IFNGR2: variants seen among roughly 807,000 people sequenced by gnomAD.
IFNGR2 encodes the protein IFN-gamma receptor 2.
Under a neutral mutation model 41.1 loss-of-function variants are expected in IFNGR2, and 15 were observed. The ratio of observed to expected loss-of-function variants is 0.37; its 90% CI spans 0.24 to 0.56. The LOEUF is 0.56. Ranked by LOEUF, IFNGR2 falls within the 20% of genes least tolerant of loss-of-function variation. IFNGR2 has a pLI of 0.81. For missense variants in IFNGR2, 362 were observed against 415.7 expected (o/e 0.87, Z 1.12); for synonymous variants, 161 against 171.6 (o/e 0.94, Z 0.48).
intron 1 of IFNGR2, among the ~76,000 whole-genome samples, chr21:33,407,263 T>G (rs1285699763): frequency 6.7e-6 from 1 of 149,416 alleles, no homozygotes; most frequent in African/African-American, 2.5e-5. Flanking sequence ...AGCCAGAGCT[T>G]CTCATATGCT....
At chr21:33,428,228 T>C (rs1303142037) in intron 4 of IFNGR2, among the ~76,000 whole-genome samples, 2 of 141,030 alleles carry the variant, frequency 1.4e-5, no homozygotes, top group Non-Finnish European at 3.1e-5. Context: ...TTTTTTTTAA[T>C]TATTGTTCTT....
At position 33,436,860 on chromosome 21, in the gene IFNGR2, G is replaced by T; in HGVS notation, c.912G>T (p.Glu304Asp). ...YLKDPTQPILEALDKDSSPKD... is the reference protein window; with the variant it reads ...YLKDPTQPILDALDKDSSPKD... ...AAGACCCAACTCAGCCCATCTTAGA[G>T]GCCTTGGACAAGGACAGCTCACCAA... The change falls in exon 7 of 7, where the codon GAG (glutamate) becomes GAT (aspartate). Residue 304 changes from glutamate to aspartate, a missense_variant. Physicochemically the swap from Glu to Asp is conservative, Grantham distance 45. Transcript: ENST00000290219. 1 of 1,614,060 alleles carries T rather than the reference G, an allele frequency of 6.2e-7. No homozygotes were observed. Among genetic ancestry groups the T allele is most frequent in the Non-Finnish European group, 8.5e-7 (1 of 1,179,946 alleles).
intron 1 of IFNGR2, among the ~76,000 whole-genome samples, chr21:33,407,848 C>CA (rs1322695968): frequency 4.9e-5 from 7 of 142,614 alleles, no homozygotes; most frequent in East Asian, 2.1e-4. Context: ...CCCACCGCAC[C>CA]CCCCCCCGCC....
Position 33,403,625 on chromosome 21 carries a change from G to C in IFNGR2, c.73+9G>C. 3.8e-6 allele frequency: 5 copies of C among 1,325,378 alleles called. No individual in the cohort carries two copies. The highest frequency in any genetic ancestry group is 4.8e-6 in the Non-Finnish European group (5 of 1,040,700). The allele number at this position is 1,325,378 out of a possible 1,614,324, so 82.1% of individuals were successfully genotyped here. ...CGCCGCGGCCCCGCCAGGTGAGCCGGGCCTGGGCCTCCGCGGCGGGACGCG... is the reference window on the plus strand; with the variant it reads ...CGCCGCGGCCCCGCCAGGTGAGCCGCGCCTGGGCCTCCGCGGCGGGACGCG... On this transcript the variant is annotated intron_variant, in intron 1 of 6. Transcript: ENST00000290219.
chr21:33,423,120 A>T (rs1227015053), intron 3 of IFNGR2, among the ~76,000 whole-genome samples: 1 of 144,726 alleles, frequency 6.9e-6, no homozygotes, highest in Non-Finnish European at 1.5e-5. Flanking sequence ...GCTCACTGCA[A>T]GCTCCACCTC....
chr21:33,408,317 C>T (rs2083692264), intron 1 of IFNGR2, among the ~76,000 whole-genome samples: 2 of 152,184 alleles, frequency 1.3e-5, no homozygotes, highest in Non-Finnish European at 2.9e-5. Context: ...CTGCCTCAGC[C>T]TCCCAAGTAA....
At chr21:33,411,928 TG>T (rs1218905111) in intron 1 of IFNGR2, among the ~76,000 whole-genome samples, 1 of 152,202 alleles carries the variant, frequency 6.6e-6, no homozygotes, top group South Asian at 2.1e-4. Flanking sequence ...TTTTTAGAGA[TG>T]GGGGGATCTC....
chr21:33,436,466 T>C (rs186592976), intron 6 of IFNGR2, among the ~76,000 whole-genome samples: 1 of 152,000 alleles, frequency 6.6e-6, no homozygotes, highest in East Asian at 1.9e-4. Flanking sequence ...CTCACGCCTA[T>C]AATCCCAGCA....
chr21:33,423,828 A>ATT (rs35451913), intron 3 of IFNGR2, among the ~76,000 whole-genome samples: 2,208 of 142,942 alleles, frequency 0.015, 30 homozygotes, highest in African/African-American at 0.032. Flanking sequence ...CCCCATCTCT[A>ATT]TTTTTTTTTT....
intron 1 of IFNGR2, among the ~76,000 whole-genome samples, chr21:33,408,486 G>A (rs550204934): frequency 3.3e-5 from 5 of 152,178 alleles, no homozygotes; most frequent in Non-Finnish European, 4.4e-5. Flanking sequence ...ATGAGCCACC[G>A]CACCCAGCCC....
rs894240709 is a variant in IFNGR2 at position 33,410,859 on chromosome 21, C to T, written c.74-4029C>T. On this transcript the variant is annotated intron_variant, in intron 1 of 6. Coordinates refer to ENST00000290219, the MANE Select transcript of IFNGR2 (RefSeq NM_005534.4). ...AGCACAGCTAACTTTGGAGACCTAC[C>T]AAGAATGGTGCAATGATTCAGCAGC... 4.0e-5 allele frequency: 62 copies of T among 1,548,006 alleles called. No individual in the cohort carries two copies. The East Asian group carries it at 1.5e-3, about 38-fold the overall frequency.
chr21:33,424,314 G>GGAAT (rs2083818132), intron 3 of IFNGR2, among the ~76,000 whole-genome samples: 1 of 151,374 alleles, frequency 6.6e-6, no homozygotes, highest in South Asian at 2.1e-4. Context: ...AAAAAAAAAA[G>GGAAT]GAATGATACT....
intron 4 of IFNGR2, among the ~76,000 whole-genome samples, chr21:33,427,849 T>TTC (rs1168388733): frequency 3.4e-5 from 5 of 147,968 alleles, no homozygotes; most frequent in Admixed American, 6.8e-5. Context: ...TTCATCTTTT[T>TTC]TTTTTTTTTT....
chr21:33,435,234 G>A (rs371035699), intron 6 of IFNGR2, among the ~76,000 whole-genome samples: 1 of 152,160 alleles, frequency 6.6e-6, no homozygotes, highest in Non-Finnish European at 1.5e-5. Flanking sequence ...TAAGGCCCTC[G>A]CTCCCAGATT....
chr21:33,403,951 A>T (rs888945932), intron 1 of IFNGR2, among the ~76,000 whole-genome samples: 1 of 151,916 alleles, frequency 6.6e-6, no homozygotes, highest in Admixed American at 6.5e-5. Context: ...GGCCGCCGGG[A>T]CACCCCTCTC....
At chr21:33,430,066 G>A (rs1170295601) in intron 4 of IFNGR2, among the ~76,000 whole-genome samples, 2 of 152,176 alleles carry the variant, frequency 1.3e-5, no homozygotes, top group African/African-American at 4.8e-5. Context: ...TTGAACCTGG[G>A]AGGCAGAGGT....
rs760672414 is a variant in IFNGR2 at position 33,432,244 on chromosome 21, T to C, written c.629T>C (p.Leu210Ser). The C allele has an allele frequency of 4.3e-6, 7 of 1,614,038 alleles. No individual in the cohort carries two copies. The highest frequency in any genetic ancestry group is 5.9e-6 in the Non-Finnish European group (7 of 1,179,854). The change falls in exon 5 of 7, where the codon TTA (leucine) becomes TCA (serine). Residue 210 changes from leucine (L) to serine (S), a missense_variant. Coordinates refer to ENST00000290219, the MANE Select transcript of IFNGR2 (RefSeq NM_005534.4). ...DNLKPSRVYC[L>S]QVQAQLLWNK... is the part of the protein sequence containing the mutation. ...TTAAAACCCTCCAGAGTGTACTGTT[T>C]ACAAGTCCAGGCACAACTGCTTTGG...
chr21:33,410,715 A>C, intron 1 of IFNGR2: 1 of 690,226 alleles, frequency 1.4e-6, no homozygotes, highest in South Asian at 1.6e-5. Context: ...TGATCCGCCC[A>C]CCTCAGCCTC....
chr21:33,427,841 CATCTTTTTTTTTT>C lies in IFNGR2; in HGVS notation c.561+810_561+822del, dbSNP rs1454163830. On this transcript the variant is annotated intron_variant, in intron 4 of 6. Coordinates refer to ENST00000290219, the MANE Select transcript of IFNGR2 (RefSeq NM_005534.4). ...GAATTTTAGATACTTCATCTCATTTCATCTTTTTTTTTTTTTTTTTTTTGAGCTGGAGTTTCGC... is the reference window on the plus strand; with the variant it reads ...GAATTTTAGATACTTCATCTCATTTCTTTTTTTTTTGAGCTGGAGTTTCGC... Among the ~76,000 whole-genome samples, 24 of 116,908 alleles carry C rather than the reference CATCTTTTTTTTTT, an allele frequency of 2.1e-4. No individual in the cohort carries two copies. In the East Asian group the frequency reaches 6.3e-3, roughly 30 times the overall value. 76.7% of individuals were successfully genotyped at this position (116,908 alleles called of 152,430 possible).
Sources: gnomAD v4.1 joint callset for allele counts (sites outside exome capture counted in the v4.1 genomes callset) on GRCh38, gnomAD v4.1.1 for gene constraint, MANE v1.5 for transcripts, NCBI Gene and HGNC (gene_info 2026-07-23, HGNC 2026-07-21) for gene names.